Variants in ADAM8 observed in about 807,000 individuals in gnomAD.
ADAM8 encodes the protein disintegrin and metalloproteinase domain-containing protein 8.
Under a neutral mutation model 102.4 loss-of-function variants are expected in ADAM8, and 104 were observed. The ratio of observed to expected loss-of-function variants is 1.02; its 90% CI spans 0.87 to 1.20. The LOEUF is 1.20. ADAM8 is among the 50% of genes most tolerant of loss of function. The pLI is 0.00. For synonymous variants in ADAM8, 517 were observed against 485.2 expected, an observed-to-expected ratio of 1.07 and a Z score of -0.86; for missense variants, 1,132 against 1,159.0, an observed-to-expected ratio of 0.98 and a Z score of 0.34.
chr10:133,274,910 G>C (rs917198498), intron 2 of ADAM8: 20 of 433,190 alleles, frequency 4.6e-5, no homozygotes, highest in African/African-American at 2.4e-4. Context: ...CCGGCTGGAT[G>C]AGCCCAGGGC....
chr10:133,270,718 A>T lies in ADAM8; in HGVS notation c.1634+18T>A, dbSNP rs1331001628. On this transcript the variant is annotated intron_variant, in intron 15 of 22. Coordinates refer to ENST00000445355, the MANE Select transcript of ADAM8 (RefSeq NM_001109.5). ...TGGGAACAGCACATGTCCTGGGCCCAGGGCGGTCTCAGCTCACCTGTACCG... is the reference window on the plus strand; with the variant it reads ...TGGGAACAGCACATGTCCTGGGCCCTGGGCGGTCTCAGCTCACCTGTACCG... The T allele has an allele frequency of 6.7e-7, 1 of 1,489,998 alleles. No homozygotes were observed. The highest frequency in any genetic ancestry group is 2.1e-5 in the Admixed American group (1 of 48,646). 92.3% of individuals were successfully genotyped at this position (1,489,998 alleles called of 1,614,324 possible).
intron 20 of ADAM8, among the ~76,000 whole-genome samples, 173 bp downstream of exon 20, chr10:133,267,756 C>T (rs1026491607): frequency 1.3e-5 from 2 of 152,274 alleles, no homozygotes; most frequent in African/African-American, 4.8e-5. Context: ...CTCCCAAAGC[C>T]TCAGTGTTCC....
Position 133,273,264 on chromosome 10 carries a change from G to A in ADAM8, c.563C>T (p.Pro188Leu), listed in dbSNP as rs1373673642. The change falls in exon 6 of 23, where the codon CCT becomes CTT. Residue 188 changes from proline to leucine, a missense_variant. Transcript: ENST00000445355. ...LGPRTAAVFR[P>L]RPGDSLPSRE... Reference sequence around the variant, plus strand: ...GACAAGGGTGCTCACCCCGGGCCGAGGCCTGAAGACGGCTGCCGTCCGGGG... The same window carrying A: ...GACAAGGGTGCTCACCCCGGGCCGAAGCCTGAAGACGGCTGCCGTCCGGGG... The A allele has an allele frequency of 1.2e-6, 2 of 1,602,698 alleles. No homozygotes were observed. Among genetic ancestry groups the A allele is most frequent in the East Asian group, 2.2e-5 (1 of 44,508 alleles).
At chr10:133,273,598 G>A (rs1207909263) in intron 5 of ADAM8, 155 bp from the exon 6 acceptor site, 5 of 1,257,212 alleles carry the variant, frequency 4.0e-6, no homozygotes, top group Non-Finnish European at 5.5e-6. Flanking sequence ...ACAGGAGGGT[G>A]AGCCTCTTGG....
intron 12 of ADAM8, 43 bp downstream of exon 12, chr10:133,271,485 G>A: frequency 1.3e-6 from 2 of 1,517,730 alleles, no homozygotes; most frequent in Non-Finnish European, 1.8e-6. Context: ...CAGAGGTTGT[G>A]GCACCCAGTG....
chr10:133,263,470 C>G (rs568267257), intron 22 of ADAM8, among the ~76,000 whole-genome samples: 49 of 152,214 alleles, frequency 3.2e-4, no homozygotes, highest in Non-Finnish European at 5.7e-4. Flanking sequence ...CCACTGACAG[C>G]CGGGGTCGGC....
At chr10:133,276,732 C>T in intron 1 of ADAM8, 40 bp downstream of exon 1, 2 of 1,527,806 alleles carry the variant, frequency 1.3e-6, no homozygotes, top group Non-Finnish European at 1.8e-6. Flanking sequence ...AGCCACCCTG[C>T]CCCGCGCTGC....
In ADAM8 at chr10:133,263,040, G is replaced by C; in HGVS notation, c.*116C>G. 1.6e-6 allele frequency: 2 copies of C among 1,242,200 alleles called. No individual in the cohort carries two copies. The allele number at this position is 1,242,200 out of a possible 1,614,324, so 76.9% of individuals were successfully genotyped here. On this transcript the variant is annotated 3_prime_UTR_variant, in exon 23 of 23. Transcript: ENST00000445355. The stretch of plus-strand genomic sequence containing the variant: ...CATTCCTGAGGTTAGAACAGCAGCT[G>C]AGCCTGCAAAGTCAGGGTCTAGGGC...
rs566548471 is a variant in ADAM8, at chr10:133,267,973, G to C, written c.2209C>G (p.Arg737Gly). Residue 737 changes from arginine to glycine, a missense_variant, in exon 20 of 23, where the codon CGA becomes GGA. Arg to Gly is a moderately radical substitution (Grantham distance 125). Transcript: ENST00000445355. ...VPTTHPGQPA[R>G]HPASSVALKR... ...AGAGCCACCGAGGAGGCCGGGTGTC[G>C]GGCGGGCTGGCCCGGGTGGGTGGTG... 2 of 1,261,806 alleles carry C rather than the reference G, an allele frequency of 1.6e-6. No individual in the cohort carries two copies. Among genetic ancestry groups the C allele is most frequent in the Non-Finnish European group, 2.0e-6 (2 of 996,824 alleles). The allele number at this position is 1,261,806 out of a possible 1,614,324, so 78.2% of individuals were successfully genotyped here. A position where few individuals can be genotyped will look rare whatever the true frequency, so the allele number is the denominator to read the frequency against.
intron 21 of ADAM8, among the ~76,000 whole-genome samples, chr10:133,266,072 T>G (rs1846313739): frequency 6.6e-6 from 1 of 151,996 alleles, no homozygotes; most frequent in South Asian, 2.1e-4. Context: ...GGGAAGGGTG[T>G]GTCCAGTGCT....
chr10:133,275,765 G>A (rs1846729111), intron 1 of ADAM8, 178 bp from the exon 2 acceptor site: 4 of 520,922 alleles, frequency 7.7e-6, no homozygotes, highest in South Asian at 2.8e-5. Context: ...CCCCAGGAGC[G>A]CCCCCAGGCA....
intron 9 of ADAM8, 33 bp downstream of exon 9, chr10:133,272,383 G>A (rs776231044): frequency 2.1e-5 from 5 of 242,332 alleles, no homozygotes; most frequent in Non-Finnish European, 3.2e-5. Context: ...TCCCTCCCCA[G>A]CCCTCCCCAC....
intron 21 of ADAM8, among the ~76,000 whole-genome samples, chr10:133,266,337 C>A (rs1326942245): frequency 6.6e-6 from 1 of 152,140 alleles, no homozygotes; most frequent in Non-Finnish European, 1.5e-5. Flanking sequence ...CGGGAGCAGG[C>A]CAGGCGAAGG....
At chr10:133,267,069 C>T (rs1352996932) in intron 21 of ADAM8, among the ~76,000 whole-genome samples, 1 of 152,130 alleles carries the variant, frequency 6.6e-6, no homozygotes, top group East Asian at 1.9e-4. Context: ...AGCTTCAGCT[C>T]TGGGAGGGGC....
In ADAM8 at chr10:133,263,748, G is replaced by A. The variant is rs754482914; in HGVS notation, c.2337C>T (p.Phe779=). 24 of 1,534,490 alleles carry A rather than the reference G, an allele frequency of 1.6e-5. No homozygotes were observed. The highest frequency in any genetic ancestry group is 2.5e-5 in the East Asian group (1 of 40,104). ...GTTTGACTGGGGGCACTGGGGGTGCGAACGTTGGCTTGATGACCTGGGAGG... is the reference window on the plus strand; with the variant it reads ...GTTTGACTGGGGGCACTGGGGGTGCAAACGTTGGCTTGATGACCTGGGAGG... ...QAPKQVIKPT[F]APPVPPVKPG... Residue 779 remains phenylalanine, a synonymous_variant, in exon 22 of 23, where the codon TTC becomes TTT. Coordinates refer to ENST00000445355, the MANE Select transcript of ADAM8 (RefSeq NM_001109.5).
rs760298733 is a variant in ADAM8, at chr10:133,270,945, C to A, written c.1500G>T (p.Gly500=). ...GACAGGCCCCGTTGTAGCAGTAGCC[C>A]CCGGAGCAGGGCGTGCCGTTCTCCT... ...AFQENGTPCS[G]GYCYNGACPT... Residue 500 remains glycine, a synonymous_variant, in exon 14 of 23, where the codon GGG becomes GGT. Coordinates refer to ENST00000445355, the MANE Select transcript of ADAM8 (RefSeq NM_001109.5). 1 of 1,612,796 alleles carries A rather than the reference C, an allele frequency of 6.2e-7. No individual in the cohort carries two copies. Among genetic ancestry groups the A allele is most frequent in the Non-Finnish European group, 8.5e-7 (1 of 1,179,916 alleles).
In ADAM8 at chr10:133,267,926, T is replaced by C. The variant is rs560808299; in HGVS notation, c.2253+3A>G. The C allele has an allele frequency of 7.1e-6, 9 of 1,259,164 alleles. No homozygotes were observed. In the South Asian group the frequency reaches 3.4e-4, roughly 48 times the overall value. 78.0% of individuals were successfully genotyped at this position (1,259,164 alleles called of 1,614,324 possible). ...TCATGAACCCGCCAGGGGTGGTGCT[T>C]ACAGCAGGGGGCGGCCTCTTCAGAG... On this transcript the variant is annotated splice_donor_region_variant and intron_variant, in intron 20 of 22. Coordinates refer to ENST00000445355, the MANE Select transcript of ADAM8 (RefSeq NM_001109.5).
At chr10:133,276,664 A>AGGGTGCG in intron 1 of ADAM8, 108 bp downstream of exon 1, 4 of 1,426,776 alleles carry the variant, frequency 2.8e-6, no homozygotes, top group South Asian at 2.8e-5. Flanking sequence ...AAGCCGGGCC[A>AGGGTGCG]GGGTGCGGGG....
Position 133,273,418 on chromosome 10 carries a change from G to C in ADAM8, c.409C>G (p.Leu137Val). ...LRGFFQVGSD[L>V]HLIEPLDEGG... ...TCATCCAGGGGCTCGATCAGGTGCA[G>C]GTCTGACCCCACCTGGAAGAAACCC... The change falls in exon 6 of 23, where the codon CTG (leucine) becomes GTG (valine). Residue 137 changes from leucine (L) to valine (V), a missense_variant. Leu to Val is a conservative substitution (Grantham distance 32). Transcript: ENST00000445355. The C allele has an allele frequency of 6.5e-7, 1 of 1,544,368 alleles. No homozygotes were observed. Among genetic ancestry groups the C allele is most frequent in the Non-Finnish European group, 8.7e-7 (1 of 1,142,898 alleles).
Sources: gnomAD v4.1 joint callset for allele counts (sites outside exome capture counted in the v4.1 genomes callset) on GRCh38, gnomAD v4.1.1 for gene constraint, MANE v1.5 for transcripts, NCBI Gene and HGNC (gene_info 2026-07-23, HGNC 2026-07-21) for gene names.